Variants in ANKHD1 observed in about 807,000 individuals in gnomAD.
ANKHD1 encodes ankyrin repeat and KH domain containing 1, also known as ankyrin repeat and KH domain-containing protein 1.
In ANKHD1, 31 loss-of-function variants were observed where a neutral mutation model predicts 230.5. That is an observed-to-expected ratio of 0.13 (90% CI 0.10 to 0.18). The LOEUF (loss-of-function observed/expected upper bound fraction) is 0.18, where lower values mean the gene tolerates loss of function less well. ANKHD1 is among the 10% of genes least tolerant of loss of function. The pLI is 1.00. For synonymous variants in ANKHD1, 1,074 were observed against 1,117.6 expected (o/e 0.96, Z 0.78); for missense variants, 2,256 against 3,071.3 (o/e 0.73, Z 6.27).
rs989453785 is a variant in ANKHD1, at chr5:140,413,356, T to G, written c.306+11083T>G. Among the ~76,000 whole-genome samples, 5 of 152,214 alleles carry G rather than the reference T, an allele frequency of 3.3e-5. No homozygotes were observed. In the East Asian group the frequency reaches 9.6e-4, roughly 29 times the overall value. ...TTACCATTTTAATCACATTTATACT[T>G]TAACCACTGTACATGTATGTTAAAT... On this transcript the variant is annotated intron_variant, in intron 1 of 33. Transcript: ENST00000360839.
intron 1 of ANKHD1, among the ~76,000 whole-genome samples, chr5:140,427,232 T>C (rs1475599892): frequency 1.2e-4 from 15 of 123,648 alleles, no homozygotes; most frequent in South Asian, 2.9e-4. Context: ...CGGGCAGAGG[T>C]GCCCCTCACC....
intron 24 of ANKHD1, among the ~76,000 whole-genome samples, chr5:140,518,622 G>C (rs1159269469): frequency 1.3e-5 from 2 of 152,120 alleles, no homozygotes; most frequent in African/African-American, 4.8e-5. Flanking sequence ...TGGGATGCAA[G>C]GCTGGTTCAG....
At chr5:140,491,169 T>A (rs1225052150) in intron 14 of ANKHD1, among the ~76,000 whole-genome samples, 5 of 122,502 alleles carry the variant, frequency 4.1e-5, no homozygotes, top group African/African-American at 1.6e-4. Context: ...TATTTTTTTT[T>A]TTTTTTTTTT....
intron 10 of ANKHD1, among the ~76,000 whole-genome samples, chr5:140,474,985 T>G (rs1320105897): frequency 6.6e-6 from 1 of 152,184 alleles, no homozygotes; most frequent in African/African-American, 2.4e-5. Context: ...TATTTTTAAC[T>G]TTACTACTTA....
chr5:140,430,732 T>C (rs1431493020), intron 1 of ANKHD1, among the ~76,000 whole-genome samples: 2 of 150,348 alleles, frequency 1.3e-5, no homozygotes, highest in Non-Finnish European at 3.0e-5. Flanking sequence ...GATCATGGCA[T>C]ATAGCAGCCT....
intron 1 of ANKHD1, among the ~76,000 whole-genome samples, chr5:140,420,399 G>A (rs1057371800): frequency 3.1e-4 from 47 of 152,060 alleles, no homozygotes; most frequent in Admixed American, 2.9e-3. Context: ...AAACCATTGC[G>A]TAATCCAAGA....
chr5:140,455,742 C>T (rs986761687), intron 7 of ANKHD1, among the ~76,000 whole-genome samples: 13 of 152,176 alleles, frequency 8.5e-5, no homozygotes, highest in African/African-American at 2.9e-4. Flanking sequence ...TCTATGACAA[C>T]CCCACAGCCA....
rs10058920 is a variant in ANKHD1, at chr5:140,536,961, C to T, written c.7028-428C>T. ...GCTTGAACCCAGAAGGCAAAGGTTGCAGTGAGCCAAGATCACGCCATTGTA... is the reference window on the plus strand; with the variant it reads ...GCTTGAACCCAGAAGGCAAAGGTTGTAGTGAGCCAAGATCACGCCATTGTA... On this transcript the variant is annotated intron_variant, in intron 30 of 33. Coordinates refer to ENST00000360839, the MANE Select transcript of ANKHD1 (RefSeq NM_017747.3). The T allele has an allele frequency of 8.3e-3, 1,251 of 151,236 alleles. 17 individuals are homozygous for T. Among genetic ancestry groups the T allele is most frequent in the African/African-American group, 0.028 (1,134 of 40,664 alleles). The allele number at this position is 151,236 out of a possible 1,614,324, so 9.4% of individuals were successfully genotyped here.
chr5:140,482,712 G>A lies in ANKHD1; in HGVS notation c.1870+45G>A, dbSNP rs746389933. 2.5e-6 allele frequency: 4 copies of A among 1,585,940 alleles called. No homozygotes were observed. In the Admixed American group the frequency reaches 5.5e-5, roughly 22 times the overall value. On this transcript the variant is annotated intron_variant, in intron 11 of 33. Transcript: ENST00000360839. ...TCATTTCCAAGAGGCTACAGTTTAT[G>A]GAAAAAAAAATCCTAAACTGTTGCA... is the stretch of plus-strand genomic sequence containing the variant.
intron 14 of ANKHD1, among the ~76,000 whole-genome samples, chr5:140,491,143 T>TACAC (rs1561793621): frequency 4.8e-5 from 3 of 61,932 alleles, no homozygotes; most frequent in African/African-American, 1.6e-4. Context: ...TATACACATA[T>TACAC]ATATATATAT....
intron 1 of ANKHD1, among the ~76,000 whole-genome samples, chr5:140,423,147 C>G (rs1004854426): frequency 6.6e-5 from 10 of 152,134 alleles, no homozygotes; most frequent in African/African-American, 2.4e-4. Flanking sequence ...ATCGTCCTGC[C>G]TTGGCCTTCC....
At position 140,402,136 on chromosome 5, in the gene ANKHD1, G is replaced by T. The variant is rs1157563954; in HGVS notation, c.169G>T (p.Gly57Cys). ...GGAGGCCGGGCCAGCGTCGGGAGTC[G>T]GCAGCAGCGGCGGCGGCGGCAGCGG... ...FGEAGPASGV[G>C]SSGGGGSGSG... Residue 57 changes from glycine to cysteine, a missense_variant, in exon 1 of 34, where the codon GGC (glycine) becomes TGC (cysteine). Physicochemically the swap from Gly to Cys is radical, Grantham distance 159. Coordinates refer to ENST00000360839, the MANE Select transcript of ANKHD1 (RefSeq NM_017747.3). The T allele has an allele frequency of 6.5e-7, 1 of 1,545,252 alleles. No individual in the cohort carries two copies. The highest frequency in any genetic ancestry group is 2.5e-5 in the East Asian group (1 of 40,766).
At chr5:140,520,944 AAG>A (rs1753323531) in intron 24 of ANKHD1, among the ~76,000 whole-genome samples, 2 of 151,936 alleles carry the variant, frequency 1.3e-5, no homozygotes, top group South Asian at 4.2e-4. Flanking sequence ...AAAAAAAAAA[AAG>A]ACTATCCAGT....
intron 10 of ANKHD1, among the ~76,000 whole-genome samples, chr5:140,474,222 A>T (rs1379921399): frequency 1.3e-5 from 2 of 152,226 alleles, no homozygotes. Context: ...TATGAATCCA[A>T]TCAGTAATAG....
At chr5:140,446,096 GT>G in intron 6 of ANKHD1, 121 bp downstream of exon 6, 1 of 987,818 alleles carries the variant, frequency 1.0e-6, no homozygotes, top group Non-Finnish European at 1.3e-6. Flanking sequence ...AAATTATCTA[GT>G]TTATAAGAAA....
chr5:140,510,382 G>T (rs1264337394), intron 22 of ANKHD1, among the ~76,000 whole-genome samples: 1 of 140,716 alleles, frequency 7.1e-6, no homozygotes. Flanking sequence ...GCATGATCGC[G>T]GCTCACTGCA....
At chr5:140,433,483 T>A (rs1323750165) in intron 1 of ANKHD1, among the ~76,000 whole-genome samples, 1 of 152,240 alleles carries the variant, frequency 6.6e-6, no homozygotes, top group African/African-American at 2.4e-5. Context: ...CAAAGCCTAG[T>A]TCAAATGTTG....
intron 1 of ANKHD1, among the ~76,000 whole-genome samples, chr5:140,413,160 T>C (rs931765087): frequency 3.3e-5 from 5 of 152,194 alleles, no homozygotes; most frequent in Non-Finnish European, 7.4e-5. Flanking sequence ...TTTATTAAGT[T>C]GCCAAGGTAA....
At chr5:140,438,192 G>C (rs1021620070) in intron 2 of ANKHD1, among the ~76,000 whole-genome samples, 8 of 152,160 alleles carry the variant, frequency 5.3e-5, no homozygotes, top group Non-Finnish European at 1.2e-4. Context: ...AGCCTCATAT[G>C]AAGTTACATG....
Sources: gnomAD v4.1 joint callset for allele counts (sites outside exome capture counted in the v4.1 genomes callset) on GRCh38, gnomAD v4.1.1 for gene constraint, MANE v1.5 for transcripts, NCBI Gene and HGNC (gene_info 2026-07-23, HGNC 2026-07-21) for gene names.